The following CRY1 variants were observed in gnomAD, a reference collection of about 807,000 sequenced individuals.
CRY1 encodes the protein cryptochrome circadian regulator 1.
In CRY1, 45 loss-of-function variants were observed where a neutral mutation model predicts 76.0. The observed-to-expected ratio is 0.59, with a 90% CI of 0.47 to 0.76. The LOEUF (loss-of-function observed/expected upper bound fraction) is 0.76. CRY1 is among the 30% of genes least tolerant of loss of function. The pLI, the probability that CRY1 is intolerant of heterozygous loss-of-function variation, is 0.00. For missense variants in CRY1, 587 were observed against 716.4 expected, an observed-to-expected ratio of 0.82 and a Z score of 2.06; for synonymous variants, 248 against 244.0, an observed-to-expected ratio of 1.02 and a Z score of -0.15.
At chr12:107,070,380 G>GCAT (rs1953174207) in intron 1 of CRY1, among the ~76,000 whole-genome samples, 3 of 152,042 alleles carry the variant, frequency 2.0e-5, no homozygotes, top group Admixed American at 1.3e-4. Flanking sequence ...CAACACAATA[G>GCAT]CATTTATGTA....
intron 1 of CRY1, among the ~76,000 whole-genome samples, chr12:107,032,288 A>G (rs1289406405): frequency 6.6e-6 from 1 of 152,192 alleles, no homozygotes; most frequent in Non-Finnish European, 1.5e-5. Flanking sequence ...AAATGTTAAT[A>G]TTACAGGAAA....
chr12:107,060,273 A>C (rs149503988), intron 1 of CRY1, among the ~76,000 whole-genome samples: 2 of 152,356 alleles, frequency 1.3e-5, no homozygotes, highest in African/African-American at 4.8e-5. Context: ...GACCTTTAAG[A>C]TGTGATGAGG....
At chr12:107,048,133 T>C (rs1447381890) in intron 1 of CRY1, among the ~76,000 whole-genome samples, 2 of 151,576 alleles carry the variant, frequency 1.3e-5, no homozygotes, top group East Asian at 1.9e-4. Context: ...CAGGCTGGAG[T>C]GCAATGGCAT....
intron 1 of CRY1, among the ~76,000 whole-genome samples, chr12:107,036,458 C>T (rs1451389484): frequency 2.6e-5 from 4 of 152,166 alleles, no homozygotes; most frequent in Non-Finnish European, 5.9e-5. Context: ...TCTATCTGAT[C>T]TCACTGCTTC....
At chr12:107,032,027 C>CG (rs1226276246) in intron 1 of CRY1, among the ~76,000 whole-genome samples, 9 of 152,182 alleles carry the variant, frequency 5.9e-5, no homozygotes, top group Non-Finnish European at 1.2e-4. Context: ...CTCCACCTCC[C>CG]GGGTTCAAGC....
At chr12:107,090,734 T>C (rs1029263751) in intron 1 of CRY1, among the ~76,000 whole-genome samples, 2 of 152,232 alleles carry the variant, frequency 1.3e-5, no homozygotes, top group Admixed American at 6.5e-5. Flanking sequence ...TTATATATTA[T>C]CTATAAACTA....
At chr12:107,016,465 G>A (rs1408508531) in intron 2 of CRY1, among the ~76,000 whole-genome samples, 2 of 152,120 alleles carry the variant, frequency 1.3e-5, no homozygotes, top group Non-Finnish European at 2.9e-5. Flanking sequence ...ATATGTCCTA[G>A]GAGAAAGCAT....
intron 9 of CRY1, 23 bp from the exon 10 acceptor site, chr12:106,997,409 T>A: frequency 1.2e-6 from 2 of 1,612,490 alleles, no homozygotes; most frequent in East Asian, 4.5e-5. Flanking sequence ...AAAATTTTCT[T>A]TTAAATTATG....
At chr12:107,034,031 GT>G (rs1187988460) in intron 1 of CRY1, among the ~76,000 whole-genome samples, 1 of 151,768 alleles carries the variant, frequency 6.6e-6, no homozygotes, top group Non-Finnish European at 1.5e-5. Flanking sequence ...CTTCCAGGAA[GT>G]TAGGCGTTCT....
At chr12:107,072,912 C>T (rs1953207820) in intron 1 of CRY1, 1 of 152,064 alleles carries the variant, frequency 6.6e-6, no homozygotes. Context: ...TAAAAATTTA[C>T]ATTAACACTT....
intron 1 of CRY1, among the ~76,000 whole-genome samples, chr12:107,035,911 C>G (rs577040526): frequency 6.6e-6 from 1 of 152,186 alleles, no homozygotes; most frequent in Non-Finnish European, 1.5e-5. Context: ...CCTGGTTGGT[C>G]AGAATAGAAC....
chr12:107,086,955 G>A (rs1401297334), intron 1 of CRY1, among the ~76,000 whole-genome samples: 2 of 150,056 alleles, frequency 1.3e-5, no homozygotes, highest in Non-Finnish European at 3.0e-5. Flanking sequence ...AGAAAGGTGT[G>A]GTCAAATGTG....
At chr12:107,036,103 AG>A (rs1415613345) in intron 1 of CRY1, among the ~76,000 whole-genome samples, 1 of 152,194 alleles carries the variant, frequency 6.6e-6, no homozygotes, top group African/African-American at 2.4e-5. Context: ...CCTCCACAGT[AG>A]GGGAAGAACT....
At chr12:107,057,838 T>C (rs1235416852) in intron 1 of CRY1, among the ~76,000 whole-genome samples, 32 of 151,986 alleles carry the variant, frequency 2.1e-4, no homozygotes, top group Admixed American at 2.1e-3. Context: ...TCAAGAGAAC[T>C]GATTGAGGCC....
chr12:107,042,154 G>A (rs1349275801), intron 1 of CRY1, among the ~76,000 whole-genome samples: 1 of 152,032 alleles, frequency 6.6e-6, no homozygotes, highest in Non-Finnish European at 1.5e-5. Context: ...AAATCAATGA[G>A]GGAGAAGGAA....
At chr12:107,071,858 T>C (rs1366505252) in intron 1 of CRY1, among the ~76,000 whole-genome samples, 4 of 152,182 alleles carry the variant, frequency 2.6e-5, no homozygotes, top group African/African-American at 9.7e-5. Context: ...TATGCATTAA[T>C]AGCAAATTCA....
chr12:107,060,869 T>C (rs1352144522), intron 1 of CRY1, among the ~76,000 whole-genome samples: 1 of 152,006 alleles, frequency 6.6e-6, no homozygotes, highest in Non-Finnish European at 1.5e-5. Context: ...TCCCAGCTAC[T>C]CGGGAGGGTG....
intron 1 of CRY1, among the ~76,000 whole-genome samples, chr12:107,084,060 C>T (rs773883454): frequency 3.3e-5 from 5 of 151,908 alleles, no homozygotes; most frequent in Non-Finnish European, 5.9e-5. Flanking sequence ...AGTCAAGTCA[C>T]GAATGAACTC....
chr12:107,001,921 C>T lies in CRY1; in HGVS notation c.438G>A (p.Pro146=), dbSNP rs528969089. ...DKIIELNGGQ[P]PLTYKRFQTL... ...TCTGGAATCTTTTATAAGTTAGAGGCGGTTGTCCACCATTGAGTTCTATGA... is the reference window on the plus strand; with the variant it reads ...TCTGGAATCTTTTATAAGTTAGAGGTGGTTGTCCACCATTGAGTTCTATGA... The change falls in exon 4 of 13, where the codon CCG becomes CCA. Residue 146 remains proline, a synonymous_variant. Coordinates refer to ENST00000008527, the MANE Select transcript of CRY1 (RefSeq NM_004075.5). 41 of 1,596,158 alleles carry T rather than the reference C, an allele frequency of 2.6e-5. No individual in the cohort carries two copies. Among genetic ancestry groups the T allele is most frequent in the Middle Eastern group, 1.7e-4 (1 of 6,022 alleles).
Sources: gnomAD v4.1 joint callset for allele counts (sites outside exome capture counted in the v4.1 genomes callset) on GRCh38, gnomAD v4.1.1 for gene constraint, MANE v1.5 for transcripts, NCBI Gene and HGNC (gene_info 2026-07-23, HGNC 2026-07-21) for gene names.